LEKR1: variants seen among roughly 807,000 people sequenced by gnomAD.
The protein encoded by LEKR1 is protein LEKR1.
LEKR1 carries 59 observed loss-of-function variants against 72.4 expected under a neutral mutation model. The ratio of observed to expected loss-of-function variants is 0.82; its 90% confidence interval spans 0.66 to 1.01. The LOEUF (loss-of-function observed/expected upper bound fraction) is 1.01. Among genes scored for constraint, LEKR1 ranks in the 50% least tolerant of loss-of-function variants. The pLI, the probability that LEKR1 is intolerant of heterozygous loss-of-function variation, is 0.00. For missense variants in LEKR1, 728 were observed against 759.2 expected (o/e 0.96, Z 0.48); for synonymous variants, 257 against 263.2 (o/e 0.98, Z 0.23).
intron 6 of LEKR1, among the ~76,000 whole-genome samples, chr3:156,961,430 C>T (rs1452127105): frequency 6.6e-6 from 1 of 152,204 alleles, no homozygotes; most frequent in Non-Finnish European, 1.5e-5. Context: ...AGCCACTCCC[C>T]TTACACTCCT....
chr3:156,929,455 G>A lies in LEKR1; in HGVS notation c.559+1851G>A, dbSNP rs115753455. 9.7e-3 allele frequency among the ~76,000 whole-genome samples: 1,479 copies of A among 152,232 alleles called. 33 individuals carry two copies. The highest frequency in any genetic ancestry group is 0.034 in the African/African-American group (1,406 of 41,552). On this transcript the variant is annotated intron_variant, in intron 5 of 12. Coordinates refer to ENST00000356539, the MANE Select transcript of LEKR1 (RefSeq NM_001004316.3). Reference sequence around the variant, plus strand: ...ATTAACATAGTAGACTTTGCTTAAAGGTGGGATTAATTCTCCATGAAGTCA... The same window carrying A: ...ATTAACATAGTAGACTTTGCTTAAAAGTGGGATTAATTCTCCATGAAGTCA...
intron 3 of LEKR1, among the ~76,000 whole-genome samples, chr3:156,856,331 G>A (rs62275163): frequency 0.032 from 4,843 of 152,044 alleles, 117 homozygotes; most frequent in Non-Finnish European, 0.048. Flanking sequence ...ATTGAGTCAG[G>A]GCCACACTTT....
chr3:156,899,021 G>A (rs2108561323), intron 3 of LEKR1, among the ~76,000 whole-genome samples: 1 of 152,120 alleles, frequency 6.6e-6, no homozygotes, highest in Non-Finnish European at 1.5e-5. Context: ...TAATGGGAAA[G>A]GAGACAAAAA....
In LEKR1 at chr3:157,045,856, T is replaced by A; in HGVS notation, c.*106T>A. The A allele has an allele frequency of 1.9e-6, 2 of 1,025,866 alleles. No homozygotes were observed. The highest frequency in any genetic ancestry group is 2.8e-6 in the Non-Finnish European group (2 of 707,910). The allele number at this position is 1,025,866 out of a possible 1,614,324, so 63.5% of individuals were successfully genotyped here. A position where few individuals can be genotyped will look rare whatever the true frequency, so the allele number is the denominator to read the frequency against. Reference sequence around the variant, plus strand: ...ACAATGATAAAATTATTTTCACAGATCAGGAAGGCATACCTATAGATGTAT... The same window carrying A: ...ACAATGATAAAATTATTTTCACAGAACAGGAAGGCATACCTATAGATGTAT... On this transcript the variant is annotated 3_prime_UTR_variant, in exon 13 of 13. Coordinates refer to ENST00000356539, the MANE Select transcript of LEKR1 (RefSeq NM_001004316.3).
At chr3:156,924,455 TTTG>T (rs1724518685) in intron 4 of LEKR1, 2 of 631,582 alleles carry the variant, frequency 3.2e-6, no homozygotes, top group South Asian at 3.9e-5. Flanking sequence ...AAAAGCAAAG[TTTG>T]TTATTTTTAA....
chr3:156,869,080 T>G lies in LEKR1; in HGVS notation c.263+16098T>G, dbSNP rs141123546. On this transcript the variant is annotated intron_variant, in intron 3 of 12. Transcript: ENST00000356539. Reference sequence around the variant, plus strand: ...TCATTGTGTATGTATATCACACATTTTCTTTATCCATTCTTCCATTGATGG... The same window carrying G: ...TCATTGTGTATGTATATCACACATTGTCTTTATCCATTCTTCCATTGATGG... Among the ~76,000 whole-genome samples the G allele has an allele frequency of 2.2e-3, 337 of 152,272 alleles. 1 individual carries two copies. The highest frequency in any genetic ancestry group is 7.7e-3 in the African/African-American group (319 of 41,560).
chr3:156,850,098 G>A (rs1269222442), intron 2 of LEKR1, among the ~76,000 whole-genome samples: 2 of 151,972 alleles, frequency 1.3e-5, no homozygotes, highest in East Asian at 1.9e-4. Context: ...AGTGGGCGAA[G>A]GATATGAACA....
At chr3:157,011,317 TA>T in intron 9 of LEKR1, 95 bp from the exon 10 acceptor site, 1 of 787,342 alleles carries the variant, frequency 1.3e-6, no homozygotes, top group Non-Finnish European at 2.2e-6. Context: ...ATAAACAGAC[TA>T]AGTTTTGAAG....
intron 6 of LEKR1, among the ~76,000 whole-genome samples, chr3:156,973,802 G>A (rs1300735735): frequency 6.6e-6 from 1 of 152,070 alleles, no homozygotes; most frequent in African/African-American, 2.4e-5. Context: ...GCAGAGAACT[G>A]CAAGTTAAAC....
At chr3:156,911,614 T>C (rs1351981233) in intron 3 of LEKR1, among the ~76,000 whole-genome samples, 1 of 152,134 alleles carries the variant, frequency 6.6e-6, no homozygotes, top group Non-Finnish European at 1.5e-5. Context: ...AGGTTTTTTT[T>C]CTAGGATTTT....
intron 3 of LEKR1, among the ~76,000 whole-genome samples, chr3:156,910,202 G>A (rs1054416626): frequency 2.6e-5 from 4 of 152,010 alleles, no homozygotes; most frequent in South Asian, 2.1e-4. Flanking sequence ...GGTGTATTGC[G>A]CGATGCTAGG....
chr3:156,896,778 A>T (rs1192202196), intron 3 of LEKR1, among the ~76,000 whole-genome samples: 1 of 152,202 alleles, frequency 6.6e-6, no homozygotes, highest in Non-Finnish European at 1.5e-5. Flanking sequence ...TCACAACGGC[A>T]AAGACGTGGA....
chr3:156,963,166 G>A (rs1728271300), intron 6 of LEKR1, among the ~76,000 whole-genome samples: 1 of 152,068 alleles, frequency 6.6e-6, no homozygotes, highest in Non-Finnish European at 1.5e-5. Flanking sequence ...ATATTTATTA[G>A]GCACCTGTCA....
intron 6 of LEKR1, among the ~76,000 whole-genome samples, chr3:156,955,216 G>A (rs62275823): frequency 0.032 from 4,813 of 151,996 alleles, 114 homozygotes; most frequent in Non-Finnish European, 0.047. Flanking sequence ...TCCTGAGACT[G>A]CTGAAATTGC....
intron 3 of LEKR1, among the ~76,000 whole-genome samples, chr3:156,875,067 C>G (rs1718399676): frequency 2.0e-5 from 3 of 152,174 alleles, no homozygotes; most frequent in Admixed American, 2.0e-4. Context: ...ATTGCTAGAT[C>G]AAATGATAGT....
intron 10 of LEKR1, among the ~76,000 whole-genome samples, chr3:157,012,652 G>T (rs1732985150): frequency 6.6e-6 from 1 of 151,956 alleles, no homozygotes; most frequent in Non-Finnish European, 1.5e-5. Context: ...TGTCCATCAG[G>T]GTACACAGTC....
At chr3:156,961,327 T>A (rs1454833842) in intron 6 of LEKR1, among the ~76,000 whole-genome samples, 3 of 152,090 alleles carry the variant, frequency 2.0e-5, no homozygotes, top group Non-Finnish European at 4.4e-5. Context: ...AATTCAGTGG[T>A]TTTTAGGATA....
intron 9 of LEKR1, among the ~76,000 whole-genome samples, chr3:157,005,202 A>C (rs1376655061): frequency 6.6e-6 from 1 of 152,152 alleles, no homozygotes; most frequent in Non-Finnish European, 1.5e-5. Context: ...TAATTTTGAC[A>C]ACTCTGATGA....
chr3:156,966,401 G>A (rs1388907383), intron 6 of LEKR1, among the ~76,000 whole-genome samples: 10 of 152,192 alleles, frequency 6.6e-5, no homozygotes, highest in Non-Finnish European at 1.2e-4. Context: ...GTGACAGACA[G>A]CACCTGGAAA....
Sources: gnomAD v4.1 joint callset for allele counts (sites outside exome capture counted in the v4.1 genomes callset) on GRCh38, gnomAD v4.1.1 for gene constraint, MANE v1.5 for transcripts, NCBI Gene and HGNC (gene_info 2026-07-23, HGNC 2026-07-21) for gene names.